Variants in NAV2 observed in about 807,000 individuals in gnomAD.
NAV2 encodes the protein neuron navigator 2.
Under a neutral mutation model 223.2 loss-of-function variants are expected in NAV2, and 54 were observed. The observed-to-expected ratio is 0.24, with a 90% CI of 0.19 to 0.30. NAV2 has a LOEUF of 0.30. Ranked by LOEUF, NAV2 falls within the 10% of genes least tolerant of loss-of-function variation. NAV2 has a pLI of 1.00. For missense variants in NAV2, 2,806 were observed against 3,147.5 expected (o/e 0.89, Z 2.60); for synonymous variants, 1,279 against 1,239.3 (o/e 1.03, Z -0.67).
intron 1 of NAV2, among the ~76,000 whole-genome samples, chr11:19,534,814 T>C (rs548372922): frequency 6.6e-6 from 1 of 152,128 alleles, no homozygotes. Context: ...CAAGAGGCAA[T>C]GTAGACTAGT....
chr11:20,093,377 C>T (rs533200099), intron 29 of NAV2, among the ~76,000 whole-genome samples, 178 bp downstream of exon 29: 2 of 152,212 alleles, frequency 1.3e-5, no homozygotes, highest in Admixed American at 1.3e-4. Flanking sequence ...GTAAAGTGTG[C>T]GAACGGCATT....
chr11:19,736,377 C>T (rs138590771), intron 1 of NAV2, among the ~76,000 whole-genome samples: 427 of 152,218 alleles, frequency 2.8e-3, no homozygotes, highest in Admixed American at 5.2e-3. Context: ...GACTGGTGGG[C>T]CAGACACAGG....
chr11:20,064,640 C>G (rs879326695), intron 20 of NAV2, among the ~76,000 whole-genome samples: 11 of 152,158 alleles, frequency 7.2e-5, no homozygotes, highest in Non-Finnish European at 1.5e-4. Context: ...CACTAGAAGT[C>G]CTTACAGTAA....
rs771914459 is a variant in NAV2 at position 20,048,953 on chromosome 11, G to A, written c.4128G>A (p.Ser1376=). Residue 1376 remains serine (S), a synonymous_variant, in exon 15 of 38, where the codon TCG becomes TCA. Coordinates refer to ENST00000349880, the MANE Select transcript of NAV2 (RefSeq NM_145117.5). ...CCTCCAGCCCCAGCTCAGCCCACTCGGCCCCTTCCAACAGCCTCACCTGGG... is the reference window on the plus strand; with the variant it reads ...CCTCCAGCCCCAGCTCAGCCCACTCAGCCCCTTCCAACAGCCTCACCTGGG... ...PLASSPSSAH[S]APSNSLTWGT... 2.8e-5 allele frequency: 45 copies of A among 1,613,976 alleles called. No individual in the cohort carries two copies. Among genetic ancestry groups the A allele is most frequent in the South Asian group, 1.1e-4 (10 of 91,080 alleles).
intron 1 of NAV2, among the ~76,000 whole-genome samples, chr11:19,451,810 G>T (rs148176415): frequency 0.015 from 2,247 of 152,310 alleles, 54 homozygotes; most frequent in African/African-American, 0.051. Flanking sequence ...GAGGCAGAAA[G>T]GTGTTAAGCA....
At chr11:19,409,001 TG>T (rs1850026040) in intron 1 of NAV2, among the ~76,000 whole-genome samples, 1 of 117,728 alleles carries the variant, frequency 8.5e-6, no homozygotes, top group East Asian at 3.0e-4. Flanking sequence ...GTTAATTAAA[TG>T]GGGGGTGGGG....
chr11:19,382,432 T>C (rs2133937383), intron 1 of NAV2, among the ~76,000 whole-genome samples: 1 of 152,296 alleles, frequency 6.6e-6, no homozygotes, highest in East Asian at 1.9e-4. Flanking sequence ...AATTGGAACT[T>C]GTCGGGGAGT....
At chr11:19,444,117 AT>A (rs1287836373) in intron 1 of NAV2, among the ~76,000 whole-genome samples, 2 of 152,026 alleles carry the variant, frequency 1.3e-5, no homozygotes, top group Non-Finnish European at 2.9e-5. Context: ...TAATTTTTGT[AT>A]TTTTAGTAGA....
intron 1 of NAV2, among the ~76,000 whole-genome samples, chr11:19,516,082 T>A (rs969422606): frequency 4.6e-5 from 7 of 152,220 alleles, no homozygotes; most frequent in African/African-American, 1.7e-4. Context: ...AGCATGTAAT[T>A]CAGGAAGATG....
intron 1 of NAV2, among the ~76,000 whole-genome samples, chr11:19,824,294 C>G (rs769530253): frequency 6.6e-6 from 1 of 152,206 alleles, no homozygotes; most frequent in Non-Finnish European, 1.5e-5. Context: ...CTGGTCCACA[C>G]CTACACCTGA....
At chr11:19,712,119 G>A (rs2049911347), upstream of NAV2, 1 of 152,238 alleles carries the variant, frequency 6.6e-6, no homozygotes, top group Non-Finnish European at 1.5e-5. Context: ...GGCGCGGACA[G>A]GGAGGGGCTC....
chr11:19,728,204 G>A (rs1344266681), intron 1 of NAV2, among the ~76,000 whole-genome samples: 1 of 152,250 alleles, frequency 6.6e-6, no homozygotes, highest in Non-Finnish European at 1.5e-5. Context: ...ATATGAGACA[G>A]TATGGTGAGC....
intron 6 of NAV2, among the ~76,000 whole-genome samples, chr11:19,927,718 A>C (rs191301701): frequency 1.8e-3 from 193 of 105,884 alleles, no homozygotes; most frequent in African/African-American, 6.1e-3. Flanking sequence ...CAAAACAAAA[A>C]AAACCTGTTT....
intron 1 of NAV2, among the ~76,000 whole-genome samples, chr11:19,594,411 G>C (rs1053245353): frequency 7.3e-5 from 11 of 150,968 alleles, no homozygotes; most frequent in Admixed American, 4.0e-4. Context: ...GTAGCTGGCT[G>C]GTTTCTACTT....
chr11:19,583,362 C>G (rs1465175357), intron 1 of NAV2, among the ~76,000 whole-genome samples: 2 of 152,096 alleles, frequency 1.3e-5, no homozygotes, highest in Non-Finnish European at 2.9e-5. Flanking sequence ...AATTGAATAC[C>G]CTTTATTTCC....
intron 11 of NAV2, among the ~76,000 whole-genome samples, chr11:19,988,297 G>C (rs1307829377): frequency 1.3e-5 from 2 of 152,192 alleles, no homozygotes; most frequent in African/African-American, 2.4e-5. Flanking sequence ...CAGAAATCAG[G>C]CTTGGTGTGA....
At chr11:19,497,921 C>T (rs1302497334) in intron 1 of NAV2, among the ~76,000 whole-genome samples, 2 of 152,188 alleles carry the variant, frequency 1.3e-5, no homozygotes, top group African/African-American at 4.8e-5. Flanking sequence ...ATGCTTATTA[C>T]TTGCAGATTC....
intron 1 of NAV2, among the ~76,000 whole-genome samples, chr11:19,704,260 C>T (rs79099408): frequency 6.6e-6 from 1 of 152,322 alleles, no homozygotes; most frequent in African/African-American, 2.4e-5. Flanking sequence ...AACCTTTCCA[C>T]TCATTTCCTC....
intron 1 of NAV2, among the ~76,000 whole-genome samples, chr11:19,613,126 C>A (rs544351655): frequency 1.4e-4 from 22 of 152,166 alleles, no homozygotes; most frequent in Non-Finnish European, 2.6e-4. Flanking sequence ...ATGGGAAAGA[C>A]CGGCCCCCAT....
Sources: gnomAD v4.1 joint callset for allele counts (sites outside exome capture counted in the v4.1 genomes callset) on GRCh38, gnomAD v4.1.1 for gene constraint, MANE v1.5 for transcripts, NCBI Gene and HGNC (gene_info 2026-07-23, HGNC 2026-07-21) for gene names.